The following EPHA6 variants were observed in gnomAD, a reference collection of about 807,000 sequenced individuals.
EPHA6 encodes the protein ephrin type-A receptor 6.
Under a neutral mutation model 112.0 loss-of-function variants are expected in EPHA6, and 50 were observed. The ratio of observed to expected loss-of-function variants is 0.45; its 90% CI spans 0.36 to 0.56. EPHA6 has a LOEUF of 0.56. Ranked by LOEUF, EPHA6 falls within the 20% of genes least tolerant of loss-of-function variation. The pLI is 0.00. For synonymous variants in EPHA6, 529 were observed against 490.7 expected, an observed-to-expected ratio of 1.08 and a Z score of -1.03; for missense variants, 1,280 against 1,417.4, an observed-to-expected ratio of 0.90 and a Z score of 1.56.
intron 2 of EPHA6, among the ~76,000 whole-genome samples, chr3:96,947,970 G>A (rs1322395846): frequency 6.6e-6 from 1 of 152,094 alleles, no homozygotes; most frequent in Non-Finnish European, 1.5e-5. Context: ...AACAAAGCTG[G>A]AGGCATCACG....
chr3:96,844,969 C>T (rs1489238609), intron 1 of EPHA6, among the ~76,000 whole-genome samples: 3 of 151,820 alleles, frequency 2.0e-5, no homozygotes, highest in Non-Finnish European at 4.4e-5. Flanking sequence ...CAAGTTTGAA[C>T]ATGTGTAGAT....
chr3:97,039,396 T>A (rs543535830), intron 3 of EPHA6, among the ~76,000 whole-genome samples: 10 of 152,226 alleles, frequency 6.6e-5, no homozygotes, highest in African/African-American at 2.4e-4. Context: ...AGAATTCAGA[T>A]GACTTTAAAA....
intron 3 of EPHA6, among the ~76,000 whole-genome samples, chr3:97,147,952 A>G (rs2108367873): frequency 6.6e-6 from 1 of 152,240 alleles, no homozygotes; most frequent in South Asian, 2.1e-4. Context: ...GTAATATGAT[A>G]ATGTACAATG....
intron 3 of EPHA6, among the ~76,000 whole-genome samples, chr3:97,127,442 G>A (rs1184723232): frequency 6.6e-6 from 1 of 152,042 alleles, no homozygotes; most frequent in African/African-American, 2.4e-5. Flanking sequence ...CTTCCCGGCT[G>A]GGCACTGTGG....
At chr3:97,733,654 G>A (rs994620338) in intron 15 of EPHA6, among the ~76,000 whole-genome samples, 18 of 151,952 alleles carry the variant, frequency 1.2e-4, no homozygotes, top group African/African-American at 3.6e-4. Flanking sequence ...AAAGGCAGAT[G>A]AAAAAATTAC....
At chr3:97,078,772 C>A (rs970055949) in intron 3 of EPHA6, among the ~76,000 whole-genome samples, 1 of 152,012 alleles carries the variant, frequency 6.6e-6, no homozygotes. Flanking sequence ...CAGATGCAAT[C>A]TTGTGATAAA....
At chr3:96,837,591 T>TCCTA (rs758520087) in intron 1 of EPHA6, among the ~76,000 whole-genome samples, 25 of 152,202 alleles carry the variant, frequency 1.6e-4, no homozygotes, top group Non-Finnish European at 2.9e-4. Context: ...CTAAACTGTT[T>TCCTA]ACCAGGTCAA....
intron 14 of EPHA6, among the ~76,000 whole-genome samples, chr3:97,706,553 C>G (rs1424258317): frequency 6.6e-6 from 1 of 152,166 alleles, no homozygotes; most frequent in Admixed American, 6.5e-5. Flanking sequence ...TTCTTAGACT[C>G]TTAGTGGCAG....
At position 97,020,116 on chromosome 3, in the gene EPHA6, A is replaced by G. The variant is rs183591480; in HGVS notation, c.1114+32123A>G. Among the ~76,000 whole-genome samples, 308 of 152,182 alleles carry G rather than the reference A, an allele frequency of 2.0e-3. 1 individual carries two copies. Among genetic ancestry groups the G allele is most frequent in the Middle Eastern group, 3.4e-3 (1 of 294 alleles). On this transcript the variant is annotated intron_variant, in intron 3 of 17. Coordinates refer to ENST00000389672, the MANE Select transcript of EPHA6 (RefSeq NM_001080448.3). ...GGCCTAGCTTCTTTTTGCTTGCTCT[A>G]TTATACCTCTGTCAATACCAGGAGC...
chr3:97,120,391 A>C (rs1437289779), intron 3 of EPHA6, among the ~76,000 whole-genome samples: 1 of 151,908 alleles, frequency 6.6e-6, no homozygotes, highest in African/African-American at 2.4e-5. Flanking sequence ...AAAGTTTATA[A>C]AACTTTGTGT....
At chr3:97,367,321 CA>C (rs1211682323) in intron 5 of EPHA6, among the ~76,000 whole-genome samples, 9 of 152,016 alleles carry the variant, frequency 5.9e-5, no homozygotes, top group Non-Finnish European at 1.0e-4. Flanking sequence ...AAAACCAGGT[CA>C]CATGCTCAAC....
chr3:97,010,722 G>A (rs964448341), intron 3 of EPHA6, among the ~76,000 whole-genome samples: 2 of 151,946 alleles, frequency 1.3e-5, no homozygotes, highest in African/African-American at 2.4e-5. Context: ...GTGCGGTAGC[G>A]ATCTCGGCAC....
chr3:97,587,724 A>T (rs9836697), intron 11 of EPHA6, among the ~76,000 whole-genome samples: 42,383 of 151,968 alleles, frequency 0.28, 9,237 homozygotes, highest in African/African-American at 0.6. Flanking sequence ...GGTGAATAAC[A>T]CATTTTAGGA....
chr3:97,298,051 C>A (rs1019838728), intron 5 of EPHA6, among the ~76,000 whole-genome samples: 12 of 152,136 alleles, frequency 7.9e-5, no homozygotes, highest in African/African-American at 2.7e-4. Flanking sequence ...CATGAACCAC[C>A]GTGCCTGGGT....
chr3:97,275,975 G>A (rs1479270061), intron 5 of EPHA6, among the ~76,000 whole-genome samples: 2 of 152,062 alleles, frequency 1.3e-5, no homozygotes, highest in Admixed American at 6.6e-5. Context: ...TGGGCAGGCG[G>A]GGATAACTAA....
At position 97,448,599 on chromosome 3, in the gene EPHA6, G is replaced by T. The variant is rs1450997036; in HGVS notation, c.1763G>T (p.Arg588Met). ...GAGCAGCTGACCTACTCTTCCACAA[G>T]GTCCAAAGCCCCCAGTGTCATCATC... The part of the protein sequence containing the change: ...EHEQLTYSST[R>M]SKAPSVIITG... Residue 588 changes from arginine to methionine, a missense_variant, in exon 7 of 18, where the codon AGG becomes ATG. Physicochemically the swap from Arg to Met is moderately conservative, Grantham distance 91 (BLOSUM62 -1). Coordinates refer to ENST00000389672, the MANE Select transcript of EPHA6 (RefSeq NM_001080448.3). The T allele has an allele frequency of 6.2e-7, 1 of 1,613,300 alleles. No homozygotes were observed. The highest frequency in any genetic ancestry group is 1.3e-5 in the African/African-American group (1 of 74,966).
At chr3:96,848,756 A>G (rs936737388) in intron 1 of EPHA6, among the ~76,000 whole-genome samples, 1 of 152,152 alleles carries the variant, frequency 6.6e-6, no homozygotes, top group Admixed American at 6.6e-5. Context: ...TCATGTTTAT[A>G]TGCTTAAAAA....
intron 14 of EPHA6, among the ~76,000 whole-genome samples, chr3:97,671,716 AT>A (rs1170722277): frequency 6.6e-6 from 1 of 152,178 alleles, no homozygotes; most frequent in African/African-American, 2.4e-5. Flanking sequence ...GGGCAAAATA[AT>A]TTAATGCTCC....
chr3:97,163,760 C>T (rs1403488611), intron 3 of EPHA6, among the ~76,000 whole-genome samples: 1 of 152,184 alleles, frequency 6.6e-6, no homozygotes, highest in African/African-American at 2.4e-5. Flanking sequence ...GCAAAGAAGA[C>T]TCATCAGAAT....
Sources: gnomAD v4.1 joint callset for allele counts (sites outside exome capture counted in the v4.1 genomes callset) on GRCh38, gnomAD v4.1.1 for gene constraint, MANE v1.5 for transcripts, NCBI Gene and HGNC (gene_info 2026-07-23, HGNC 2026-07-21) for gene names.